The following HHIP variants were observed in gnomAD, a reference collection of about 807,000 sequenced individuals.
HHIP encodes the protein hedgehog-interacting protein.
In HHIP, 12 loss-of-function variants were observed where a neutral mutation model predicts 74.0. The observed-to-expected ratio is 0.16, with a 90% CI of 0.10 to 0.26. HHIP has a LOEUF of 0.26. Ranked by LOEUF, HHIP falls within the 10% of genes least tolerant of loss-of-function variation. The pLI, the probability that HHIP is intolerant of heterozygous loss-of-function variation, is 1.00. For missense variants in HHIP, 788 were observed against 845.0 expected, an observed-to-expected ratio of 0.93 and a Z score of 0.84; for synonymous variants, 309 against 311.6, an observed-to-expected ratio of 0.99 and a Z score of 0.09.
chr4:144,702,505 T>C (rs946173852), intron 4 of HHIP, among the ~76,000 whole-genome samples: 9 of 152,192 alleles, frequency 5.9e-5, no homozygotes, highest in Non-Finnish European at 1.2e-4. Flanking sequence ...AGGTTCCAAA[T>C]TGCGGGAACA....
intron 4 of HHIP, among the ~76,000 whole-genome samples, chr4:144,665,436 T>G (rs1006643624): frequency 1.3e-5 from 2 of 152,228 alleles, no homozygotes; most frequent in African/African-American, 4.8e-5. Context: ...CAACTATTTT[T>G]ATTTTATTGA....
In HHIP at chr4:144,646,564, A is replaced by G; in HGVS notation, c.-112A>G. 9.6e-7 allele frequency: 1 copy of G among 1,044,092 alleles called. No homozygotes were observed. The highest frequency in any genetic ancestry group is 1.4e-6 in the Non-Finnish European group (1 of 709,398). 64.7% of individuals were successfully genotyped at this position (1,044,092 alleles called of 1,614,324 possible). On this transcript the variant is annotated 5_prime_UTR_variant, in exon 1 of 13. Transcript: ENST00000296575. ...CCCCGCCACCTCCCTCTGTCTCTGGAGTGCCCTACAGCCCCGCAAACTCCT... is the reference window on the plus strand; with the variant it reads ...CCCCGCCACCTCCCTCTGTCTCTGGGGTGCCCTACAGCCCCGCAAACTCCT...
chr4:144,737,816 G>A lies in HHIP; in HGVS notation c.1962G>A (p.Lys654=), dbSNP rs772686895. The part of the protein sequence containing the change: ...RHGGVCVRPN[K]CLCKKGYLGP... ...GAGGTGTCTGTGTTAGACCGAACAAGTGCCTCTGTAAAAAAGGATATCTTG... is the reference window on the plus strand; with the variant it reads ...GAGGTGTCTGTGTTAGACCGAACAAATGCCTCTGTAAAAAAGGATATCTTG... The change falls in exon 13 of 13, where the codon AAG becomes AAA. Residue 654 remains lysine (K), a synonymous_variant. Coordinates refer to ENST00000296575, the MANE Select transcript of HHIP (RefSeq NM_022475.3). 6.2e-7 allele frequency: 1 copy of A among 1,613,678 alleles called. No homozygotes were observed. The highest frequency in any genetic ancestry group is 1.7e-5 in the Admixed American group (1 of 59,968).
chr4:144,711,258 A>C (rs1385583105), intron 7 of HHIP, among the ~76,000 whole-genome samples: 1 of 152,228 alleles, frequency 6.6e-6, no homozygotes, highest in African/African-American at 2.4e-5. Context: ...TAAGAAACCC[A>C]AAATTAATGT....
intron 4 of HHIP, among the ~76,000 whole-genome samples, chr4:144,669,294 C>T (rs999461681): frequency 6.6e-6 from 1 of 152,076 alleles, no homozygotes; most frequent in African/African-American, 2.4e-5. Context: ...CATTTTATAA[C>T]GTGTTATCAT....
chr4:144,735,085 C>T (rs958064056), intron 12 of HHIP, among the ~76,000 whole-genome samples, 196 bp downstream of exon 12: 3 of 152,164 alleles, frequency 2.0e-5, no homozygotes, highest in Non-Finnish European at 4.4e-5. Context: ...AAACAATTCA[C>T]TTATGTAAGT....
intron 4 of HHIP, among the ~76,000 whole-genome samples, chr4:144,684,660 C>T (rs964413753): frequency 6.6e-6 from 1 of 152,064 alleles, no homozygotes; most frequent in Non-Finnish European, 1.5e-5. Flanking sequence ...AAAAGTTTAG[C>T]ATATTTATCT....
chr4:144,689,367 A>G (rs1729581393), intron 4 of HHIP, among the ~76,000 whole-genome samples: 1 of 152,218 alleles, frequency 6.6e-6, no homozygotes, highest in African/African-American at 2.4e-5. Context: ...TTTGCTCTGA[A>G]GATCTAGACA....
chr4:144,713,507 T>C (rs1188784937), intron 8 of HHIP, among the ~76,000 whole-genome samples: 1 of 152,154 alleles, frequency 6.6e-6, no homozygotes, highest in East Asian at 1.9e-4. Flanking sequence ...AAAGGTAATT[T>C]TCAGATTAAT....
chr4:144,738,776 T>C lies in HHIP; in HGVS notation c.*819T>C. On this transcript the variant is annotated 3_prime_UTR_variant, in exon 13 of 13. Coordinates refer to ENST00000296575, the MANE Select transcript of HHIP (RefSeq NM_022475.3). ...CTGTAAAACACTAAAGTTACATTTTTCACCAACTTAATTGGAAAGAAGGGG... is the reference window on the plus strand; with the variant it reads ...CTGTAAAACACTAAAGTTACATTTTCCACCAACTTAATTGGAAAGAAGGGG... The C allele has an allele frequency of 1.6e-5, 12 of 760,288 alleles. No homozygotes were observed. The highest frequency in any genetic ancestry group is 1.9e-5 in the Non-Finnish European group (12 of 624,388). The allele number at this position is 760,288 out of a possible 1,614,324, so 47.1% of individuals were successfully genotyped here.
chr4:144,646,359 CCTT>C lies in HHIP; in HGVS notation c.-314_-312del, dbSNP rs891351553. ...TCCTTTTCTTCCTCCTCTTCCAACT[CCTT>C]CTCCTCCTCCCACTTCCCAGCCGCA... On this transcript the variant is annotated 5_prime_UTR_variant, in exon 1 of 13. Transcript: ENST00000296575. The C allele has an allele frequency of 1.4e-5, 4 of 285,882 alleles. No homozygotes were observed. In the South Asian group the frequency reaches 2.8e-4, roughly 20 times the overall value. 17.7% of individuals were successfully genotyped at this position (285,882 alleles called of 1,614,324 possible). A position where few individuals can be genotyped will look rare whatever the true frequency, so the allele number is the denominator to read the frequency against.
At chr4:144,711,861 A>G in intron 7 of HHIP, 89 bp from the exon 8 acceptor site, 1 of 1,344,402 alleles carries the variant, frequency 7.4e-7, no homozygotes, top group Non-Finnish European at 1.0e-6. Context: ...GCCAGTCCAC[A>G]AAGGGCTCCT....
chr4:144,712,051 T>A lies in HHIP; in HGVS notation c.1403T>A (p.Ile468Lys), dbSNP rs201257429. The change falls in exon 8 of 13, where the codon ATA becomes AAA. Residue 468 changes from isoleucine (I) to lysine (K), a missense_variant. Physicochemically the swap from Ile to Lys is moderately radical, Grantham distance 102 (BLOSUM62 -3). Transcript: ENST00000296575. ...AGATCATCAGCCAGAATTCTACAGA[T>A]AATAAAGGGGAAAGATTATGGTATG... is the stretch of plus-strand genomic sequence containing the variant. ...KNRSSARILQ[I>K]IKGKDYESEP... 1.1e-5 allele frequency: 17 copies of A among 1,612,844 alleles called. No homozygotes were observed. Among genetic ancestry groups the A allele is most frequent in the Non-Finnish European group, 1.4e-5 (16 of 1,179,146 alleles).
Position 144,668,831 on chromosome 4 carries a change from G to A in HHIP, c.831+8993G>A, listed in dbSNP as rs532949062. ...ATCTCTCAAACCTCAGGCTACAGTA[G>A]ACCCTCTTTCTATCACACTGACAAA... On this transcript the variant is annotated intron_variant, in intron 4 of 12. Coordinates refer to ENST00000296575, the MANE Select transcript of HHIP (RefSeq NM_022475.3). 1.1e-3 allele frequency among the ~76,000 whole-genome samples: 164 copies of A among 152,186 alleles called. 3 individuals carry two copies. Among genetic ancestry groups the A allele is most frequent in the African/African-American group, 3.8e-3 (158 of 41,526 alleles).
chr4:144,646,925 A>G lies in HHIP; in HGVS notation c.250A>G (p.Ser84Gly). The G allele has an allele frequency of 6.2e-7, 1 of 1,612,886 alleles. No individual in the cohort carries two copies. Among genetic ancestry groups the G allele is most frequent in the South Asian group, 1.1e-5 (1 of 90,998 alleles). Residue 84 changes from serine (S) to glycine (G), a missense_variant, in exon 1 of 13, where the codon AGC becomes GGC. This residue lies in a region of HHIP where 373 missense variants were observed against 366.4 expected (regional missense o/e 1.02). Coordinates refer to ENST00000296575, the MANE Select transcript of HHIP (RefSeq NM_022475.3). ...PRLSCCLRSD[S>G]PGLGRLENKI... Reference sequence around the variant, plus strand: ...GCTGTCCTGCTGCCTGCGGAGTGACAGCCCGGGGCTAGGGCGCCTGGAGAA... The same window carrying G: ...GCTGTCCTGCTGCCTGCGGAGTGACGGCCCGGGGCTAGGGCGCCTGGAGAA...
intron 11 of HHIP, among the ~76,000 whole-genome samples, chr4:144,721,880 G>T (rs1323772915): frequency 4.0e-5 from 6 of 150,936 alleles, no homozygotes; most frequent in Admixed American, 2.6e-4. Context: ...TCCAGCCTGG[G>T]TGACAGAGCA....
intron 11 of HHIP, among the ~76,000 whole-genome samples, chr4:144,721,202 A>T (rs1730624031): frequency 6.6e-6 from 1 of 152,092 alleles, no homozygotes; most frequent in Non-Finnish European, 1.5e-5. Flanking sequence ...AAACTATGAA[A>T]TTTTTATTTT....
chr4:144,685,107 G>A (rs555397520), intron 4 of HHIP, among the ~76,000 whole-genome samples: 1 of 152,276 alleles, frequency 6.6e-6, no homozygotes, highest in South Asian at 2.1e-4. Context: ...GGAGAAGAGG[G>A]ATCATACCAA....
chr4:144,656,602 A>G (rs1469240157), intron 2 of HHIP, among the ~76,000 whole-genome samples: 1 of 151,962 alleles, frequency 6.6e-6, no homozygotes, highest in South Asian at 2.1e-4. Flanking sequence ...GCATTTTGAA[A>G]TTTTTCTGTA....
Sources: gnomAD v4.1 joint callset for allele counts (sites outside exome capture counted in the v4.1 genomes callset) on GRCh38, gnomAD v4.1.1 for gene constraint, gnomAD v4.1.1 regional missense constraint, MANE v1.5 for transcripts, NCBI Gene and HGNC (gene_info 2026-07-23, HGNC 2026-07-21) for gene names.